The following PFKFB2 variants were observed in gnomAD, a reference collection of about 807,000 sequenced individuals.
The protein encoded by PFKFB2 is 6-phosphofructo-2-kinase/fructose-2,6-bisphosphatase 2.
In PFKFB2, 53 loss-of-function variants were observed where a neutral mutation model predicts 68.0. The observed-to-expected ratio is 0.78, with a 90% confidence interval of 0.63 to 0.98. The LOEUF (loss-of-function observed/expected upper bound fraction) is 0.98. Ranked by LOEUF, PFKFB2 falls within the 50% of genes least tolerant of loss-of-function variation. PFKFB2 has a pLI of 0.00. For synonymous variants in PFKFB2, 222 were observed against 227.6 expected (o/e 0.98, Z 0.22); for missense variants, 451 against 642.0 (o/e 0.70, Z 3.22).
chr1:207,079,115 T>A, downstream of PFKFB2: 1 of 1,093,160 alleles, frequency 9.1e-7, no homozygotes, highest in Non-Finnish European at 1.4e-6. Context: ...GGAAGTTAAG[T>A]GGGAACTGGA....
chr1:207,051,259 G>A (rs1213991718), upstream of PFKFB2, among the ~76,000 whole-genome samples: 1 of 152,190 alleles, frequency 6.6e-6, no homozygotes, highest in Non-Finnish European at 1.5e-5. Context: ...GAGGGCGGGG[G>A]AAGGAGTTCC....
chr1:207,063,572 A>C lies in PFKFB2; in HGVS notation c.450+151A>C. 1 of 756,054 alleles carries C rather than the reference A, an allele frequency of 1.3e-6. No individual in the cohort carries two copies. Among genetic ancestry groups the C allele is most frequent in the Admixed American group, 2.0e-5 (1 of 49,270 alleles). 46.8% of individuals were successfully genotyped at this position (756,054 alleles called of 1,614,324 possible). A position where few individuals can be genotyped will look rare whatever the true frequency, so the allele number is the denominator to read the frequency against. On this transcript the variant is annotated intron_variant, in intron 6 of 14. Transcript: ENST00000367080. This position sits in a 1 kb window ranked among gnomAD's most constrained non-coding sequence, Gnocchi z 4.1. ...ATTCCCCCAGTCCTTGAGTGTTTTC[A>C]TTCAGGTCCTTTCTCAGACTGTTAG...
downstream of PFKFB2, chr1:207,079,106 G>T (rs1683703340): frequency 3.4e-6 from 4 of 1,174,094 alleles, no homozygotes; most frequent in Middle Eastern, 2.0e-4. Flanking sequence ...GCTAGAACAG[G>T]AAGTTAAGTG....
chr1:207,069,972 A>G (rs1329822479), intron 11 of PFKFB2, among the ~76,000 whole-genome samples: 2 of 152,134 alleles, frequency 1.3e-5, no homozygotes, highest in Non-Finnish European at 2.9e-5. Context: ...GGAAACCCCT[A>G]GGAGTCTCTT....
At chr1:207,052,989 G>C (rs775226539), upstream of PFKFB2, 1 of 152,174 alleles carries the variant, frequency 6.6e-6, no homozygotes, top group African/African-American at 2.4e-5. Context: ...CTACTCTCGC[G>C]AGAGTCAGAA....
At position 207,054,769 on chromosome 1, in the gene PFKFB2, A is replaced by G; in HGVS notation, c.52A>G (p.Thr18Ala). ...GAACAACAACAGCTATGAAACCAAA[A>G]CCCCAAATCTTCGAATGTCAGAGAA... ...EQNNNSYETK[T>A]PNLRMSEKKC... The change falls in exon 2 of 15, where the codon ACC becomes GCC. Residue 18 changes from threonine (T) to alanine (A), a missense_variant. Thr to Ala is a moderately conservative substitution (Grantham distance 58). Transcript: ENST00000367080. 4 of 1,613,848 alleles carry G rather than the reference A, an allele frequency of 2.5e-6. No individual in the cohort carries two copies. The highest frequency in any genetic ancestry group is 3.4e-6 in the Non-Finnish European group (4 of 1,179,906).
At chr1:207,067,904 G>T (rs758564219) in intron 9 of PFKFB2, among the ~76,000 whole-genome samples, 198 bp downstream of exon 9, 16 of 152,174 alleles carry the variant, frequency 1.1e-4, no homozygotes, top group Non-Finnish European at 1.6e-4. Flanking sequence ...ACCCATTTCT[G>T]CTGTGATCAT....
At chr1:207,042,880 AAC>A (rs2102318264) in intron 2 of PFKFB2, among the ~76,000 whole-genome samples, 1 of 152,300 alleles carries the variant, frequency 6.6e-6, no homozygotes, top group Non-Finnish European at 1.5e-5. Flanking sequence ...ATTATCTGTA[AAC>A]TTAATAACTG....
At position 207,076,425 on chromosome 1, in the gene PFKFB2, C is replaced by A; in HGVS notation, c.*4054C>A. On this transcript the variant is annotated 3_prime_UTR_variant, in exon 15 of 15. Coordinates refer to ENST00000367080, the MANE Select transcript of PFKFB2 (RefSeq NM_006212.2). ...CCAAGCCCAGAAGCCATGTTGTGTT[C>A]ATTGTTAAGAAATTTGATAGATTTA... The A allele has an allele frequency of 1.0e-6, 1 of 984,968 alleles. No homozygotes were observed. The highest frequency in any genetic ancestry group is 1.2e-6 in the Non-Finnish European group (1 of 829,672). The allele number at this position is 984,968 out of a possible 1,614,324, so 61.0% of individuals were successfully genotyped here.
At chr1:207,055,080 A>T (rs947674593) in intron 2 of PFKFB2, 4 of 357,356 alleles carry the variant, frequency 1.1e-5, no homozygotes, top group Non-Finnish European at 2.1e-5. Context: ...TGGCTTGCTG[A>T]TGGAAGTTAG....
chr1:207,071,062 T>C (rs780527952), intron 12 of PFKFB2, 126 bp from the exon 13 acceptor site: 19 of 753,608 alleles, frequency 2.5e-5, no homozygotes, highest in Non-Finnish European at 3.9e-5. Flanking sequence ...GGAGGAGTTG[T>C]ACAACTCTAA....
At chr1:207,034,990 C>T (rs10864035) in intron 1 of PFKFB2, 65,719 of 185,150 alleles carry the variant, frequency 0.35, 12,508 homozygotes, top group Middle Eastern at 0.48. Flanking sequence ...GGAAAGGAGG[C>T]CTGGACTACA....
rs189210736 is a variant in PFKFB2 at position 207,072,762 on chromosome 1, C to A, written c.*391C>A. ...TGGTGAAGTGTTGGGGGATGGAGGG[C>A]GGGTGAGCAGTCGGGGGACAAAAAG... On this transcript the variant is annotated 3_prime_UTR_variant, in exon 15 of 15. Transcript: ENST00000367080. 2 of 1,010,944 alleles carry A rather than the reference C, an allele frequency of 2.0e-6. No individual in the cohort carries two copies. Among genetic ancestry groups the A allele is most frequent in the African/African-American group, 3.4e-5 (2 of 58,220 alleles). 62.6% of individuals were successfully genotyped at this position (1,010,944 alleles called of 1,614,324 possible). A position where few individuals can be genotyped will look rare whatever the true frequency, so the allele number is the denominator to read the frequency against.
At position 207,071,523 on chromosome 1, in the gene PFKFB2, A is replaced by G; in HGVS notation, c.1300A>G (p.Thr434Ala). 1 of 1,613,772 alleles carries G rather than the reference A, an allele frequency of 6.2e-7. No individual in the cohort carries two copies. Among genetic ancestry groups the G allele is most frequent in the Non-Finnish European group, 8.5e-7 (1 of 1,179,658 alleles). ...TGTTTTCTCAGGGTGCAAAGTGGAA[A>G]CAATTAAACTTAACGTGGAGGCTGT... ...TPVAYGCKVETIKLNVEAVNT... is the reference protein window; with the variant it reads ...TPVAYGCKVEAIKLNVEAVNT... The change falls in exon 14 of 15, where the codon ACA becomes GCA. Residue 434 changes from threonine to alanine, a missense_variant. By Grantham distance (58) the Thr-to-Ala change is moderately conservative. Coordinates refer to ENST00000367080, the MANE Select transcript of PFKFB2 (RefSeq NM_006212.2).
chr1:207,077,547 G>A lies in PFKFB2; in HGVS notation c.*5176G>A, dbSNP rs1466190474. ...ATCATACATGGTGCCCTTTGGGAAG[G>A]GGGATGGTGTGGGGCTGAGCACCTC... On this transcript the variant is annotated 3_prime_UTR_variant, in exon 15 of 15. Coordinates refer to ENST00000367080, the MANE Select transcript of PFKFB2 (RefSeq NM_006212.2). 1.0e-6 allele frequency: 1 copy of A among 985,734 alleles called. No homozygotes were observed. Among genetic ancestry groups the A allele is most frequent in the Non-Finnish European group, 1.2e-6 (1 of 829,970 alleles). 61.1% of individuals were successfully genotyped at this position (985,734 alleles called of 1,614,324 possible).
intron 2 of PFKFB2, chr1:207,045,666 T>TGTAA (rs1682584036): frequency 1.3e-5 from 2 of 151,608 alleles, no homozygotes. Flanking sequence ...CCCAAAAAGA[T>TGTAA]GTAAGAAAAC....
rs1026548546 is a variant in PFKFB2 at position 207,074,874 on chromosome 1, G to T, written c.*2503G>T. ...CTCCTGACTTTTCTGTTGTCCTATG[G>T]CTATGAGACTACAGGGGTTGGGGGA... On this transcript the variant is annotated 3_prime_UTR_variant, in exon 15 of 15. Coordinates refer to ENST00000367080, the MANE Select transcript of PFKFB2 (RefSeq NM_006212.2). 12 of 985,346 alleles carry T rather than the reference G, an allele frequency of 1.2e-5. No homozygotes were observed. In the East Asian group the frequency reaches 1.1e-3, roughly 93 times the overall value. The allele number at this position is 985,346 out of a possible 1,614,324, so 61.0% of individuals were successfully genotyped here. A position where few individuals can be genotyped will look rare whatever the true frequency, so the allele number is the denominator to read the frequency against.
In PFKFB2 at chr1:207,076,858, G is replaced by A. The variant is rs984297080; in HGVS notation, c.*4487G>A. ...TCTAGGGTCTGTAAGCTGACAGTCTGCCTGCTTTCTGATTGTATCCATTGA... is the reference window on the plus strand; with the variant it reads ...TCTAGGGTCTGTAAGCTGACAGTCTACCTGCTTTCTGATTGTATCCATTGA... On this transcript the variant is annotated 3_prime_UTR_variant, in exon 15 of 15. Transcript: ENST00000367080. 31 of 985,166 alleles carry A rather than the reference G, an allele frequency of 3.1e-5. No individual in the cohort carries two copies. Among genetic ancestry groups the A allele is most frequent in the Admixed American group, 6.1e-5 (1 of 16,264 alleles). The allele number at this position is 985,166 out of a possible 1,614,324, so 61.0% of individuals were successfully genotyped here. A position where few individuals can be genotyped will look rare whatever the true frequency, so the allele number is the denominator to read the frequency against.
rs1287244038 is a variant in PFKFB2 at position 207,075,497 on chromosome 1, G to T, written c.*3126G>T. The T allele has an allele frequency of 1.6e-5, 16 of 985,196 alleles. No individual in the cohort carries two copies. The highest frequency in any genetic ancestry group is 1.8e-5 in the Non-Finnish European group (15 of 829,820). The allele number at this position is 985,196 out of a possible 1,614,324, so 61.0% of individuals were successfully genotyped here. On this transcript the variant is annotated 3_prime_UTR_variant, in exon 15 of 15. Transcript: ENST00000367080. ...CTCTCCTGGTCTTACTTGAATGCAT[G>T]TTGGTAATCTGTATACATTACTATG...
Sources: gnomAD v4.1 joint callset for allele counts (sites outside exome capture counted in the v4.1 genomes callset) on GRCh38, gnomAD v4.1.1 for gene constraint, Gnocchi (gnomAD v3.1) non-coding constraint, MANE v1.5 for transcripts, NCBI Gene and HGNC (gene_info 2026-07-23, HGNC 2026-07-21) for gene names.